The following AFF3 variants were observed in gnomAD, a reference collection of about 807,000 sequenced individuals.
The protein encoded by AFF3 is ALF transcription elongation factor 3.
Under a neutral mutation model 129.7 loss-of-function variants are expected in AFF3, and 32 were observed. That is an observed-to-expected ratio of 0.25 (90% CI 0.19 to 0.33). AFF3 has a LOEUF of 0.33. Among genes scored for constraint, AFF3 ranks in the 10% least tolerant of loss-of-function variants. The pLI is 1.00. For missense variants in AFF3, 1,373 were observed against 1,592.0 expected, an observed-to-expected ratio of 0.86 and a Z score of 2.34; for synonymous variants, 644 against 635.4, an observed-to-expected ratio of 1.01 and a Z score of -0.20.
chr2:100,012,738 A>AATTC (rs1420295263), intron 4 of AFF3, among the ~76,000 whole-genome samples: 1 of 152,198 alleles, frequency 6.6e-6, no homozygotes, highest in Non-Finnish European at 1.5e-5. Context: ...GACAAGCTGA[A>AATTC]AGTCAGGTCA....
In AFF3 at chr2:100,006,913, T is replaced by C. The variant is rs1682024729; in HGVS notation, c.592A>G (p.Arg198Gly). ...TGCTTGGCCGCCATGGCAGGTGGCCTCTCCTGGGTCTGAAGGCCCACCTCC... is the reference window on the plus strand; with the variant it reads ...TGCTTGGCCGCCATGGCAGGTGGCCCCTCCTGGGTCTGAAGGCCCACCTCC... ...NVEVGLQTQE[R>G]PPAMAAKHSS... The change falls in exon 7 of 25, where the codon AGG becomes GGG. Residue 198 changes from arginine (R) to glycine (G), a missense_variant. Coordinates refer to ENST00000672756, the MANE Select transcript of AFF3 (RefSeq NM_001386135.1). 1 of 1,613,956 alleles carries C rather than the reference T, an allele frequency of 6.2e-7. No individual in the cohort carries two copies. Among genetic ancestry groups the C allele is most frequent in the Admixed American group, 1.7e-5 (1 of 59,994 alleles).
intron 7 of AFF3, among the ~76,000 whole-genome samples, chr2:99,970,537 C>T (rs979534476): frequency 6.6e-6 from 1 of 152,146 alleles, no homozygotes; most frequent in African/African-American, 2.4e-5. Context: ...ATTTTTATTG[C>T]TTGCATAAAA....
At chr2:99,615,080 C>G (rs549620725) in intron 13 of AFF3, among the ~76,000 whole-genome samples, 1 of 152,204 alleles carries the variant, frequency 6.6e-6, no homozygotes, top group Non-Finnish European at 1.5e-5. Flanking sequence ...GCTGTCTTCT[C>G]TGGACCCAGG....
chr2:99,595,532 A>G (rs543608334), intron 14 of AFF3, among the ~76,000 whole-genome samples: 1 of 152,292 alleles, frequency 6.6e-6, no homozygotes, highest in African/African-American at 2.4e-5. Flanking sequence ...AAAATGGTTT[A>G]ACACAATAAA....
chr2:99,736,658 G>A (rs1680287389), intron 10 of AFF3, among the ~76,000 whole-genome samples: 1 of 134,190 alleles, frequency 7.5e-6, no homozygotes, highest in South Asian at 2.3e-4. Flanking sequence ...TGCCCAGGCT[G>A]GAGTGCAGTG....
intron 14 of AFF3, among the ~76,000 whole-genome samples, chr2:99,595,487 C>A (rs1267444352): frequency 6.6e-6 from 1 of 151,952 alleles, no homozygotes; most frequent in East Asian, 1.9e-4. Context: ...TTGATCAGTT[C>A]AAGTCTAGAG....
chr2:100,105,360 G>C, intron 3 of AFF3, 144 bp downstream of exon 3: 1 of 1,249,918 alleles, frequency 8.0e-7, no homozygotes, highest in Non-Finnish European at 1.0e-6. Context: ...GAGCCCGCAA[G>C]TTCAGCGAAA....
At chr2:99,700,183 C>T (rs1022493930) in intron 11 of AFF3, among the ~76,000 whole-genome samples, 2 of 151,354 alleles carry the variant, frequency 1.3e-5, no homozygotes, top group East Asian at 3.9e-4. Flanking sequence ...TGCAGTGGTG[C>T]GATCTCAGCT....
chr2:99,559,010 C>A (rs371261965), intron 21 of AFF3, 42 bp from the exon 22 acceptor site: 1 of 1,569,968 alleles, frequency 6.4e-7, no homozygotes, highest in Admixed American at 1.7e-5. Flanking sequence ...CGGCTGAGTG[C>A]GTCGTGCGCA....
intron 12 of AFF3, among the ~76,000 whole-genome samples, chr2:99,671,551 G>T: frequency 6.8e-6 from 1 of 147,044 alleles, no homozygotes; most frequent in East Asian, 2.0e-4. Context: ...ACCTCTGCTT[G>T]TTCTCTCTGT....
At chr2:99,781,446 T>C (rs186592541) in intron 8 of AFF3, among the ~76,000 whole-genome samples, 1 of 152,384 alleles carries the variant, frequency 6.6e-6, no homozygotes, top group Admixed American at 6.5e-5. Context: ...TGTTTGTTCA[T>C]TGCTATATCT....
chr2:99,904,238 A>G lies in AFF3; in HGVS notation c.874-66714T>C, dbSNP rs571605317. ...AATCTGTGTCTCCTCTGTGCCCAAT[A>G]CACAATGCAAAACAGGGTCCACGCC... On this transcript the variant is annotated intron_variant, in intron 7 of 24. Coordinates refer to ENST00000672756, the MANE Select transcript of AFF3 (RefSeq NM_001386135.1). Among the ~76,000 whole-genome samples, 3 of 152,212 alleles carry G rather than the reference A, an allele frequency of 2.0e-5. No homozygotes were observed. In the East Asian group the frequency reaches 5.8e-4, roughly 29 times the overall value.
chr2:99,558,391 C>T (rs148793293), intron 22 of AFF3, among the ~76,000 whole-genome samples: 56 of 152,132 alleles, frequency 3.7e-4, no homozygotes, highest in South Asian at 1.2e-3. Flanking sequence ...GAGGTGGAGG[C>T]GGGGAGATCA....
intron 8 of AFF3, among the ~76,000 whole-genome samples, chr2:99,834,385 A>G (rs1356189009): frequency 1.3e-5 from 2 of 152,214 alleles, no homozygotes; most frequent in African/African-American, 4.8e-5. Flanking sequence ...GTTAAATCAC[A>G]GCTTAGAACT....
chr2:99,703,392 T>C (rs1677058958), intron 11 of AFF3, among the ~76,000 whole-genome samples: 1 of 152,212 alleles, frequency 6.6e-6, no homozygotes, highest in Non-Finnish European at 1.5e-5. Flanking sequence ...ACAGTTTTTT[T>C]CTAGAAGTTC....
chr2:99,866,962 C>CGTA (rs1691447698), intron 7 of AFF3, among the ~76,000 whole-genome samples: 1 of 93,902 alleles, frequency 1.1e-5, no homozygotes, highest in African/African-American at 5.4e-5. Flanking sequence ...GGTAACACAG[C>CGTA]ATAATAATAA....
chr2:99,829,704 T>C (rs763454772), intron 8 of AFF3, among the ~76,000 whole-genome samples: 4 of 152,172 alleles, frequency 2.6e-5, no homozygotes, highest in Non-Finnish European at 4.4e-5. Context: ...ATTTCAACCA[T>C]TGTGGAAGAC....
chr2:99,934,033 C>T (rs1197364243), intron 7 of AFF3, among the ~76,000 whole-genome samples: 2 of 152,174 alleles, frequency 1.3e-5, no homozygotes, highest in African/African-American at 4.8e-5. Flanking sequence ...ATCTCTAGGG[C>T]AGCCAGTCAT....
At chr2:100,079,645 T>G (rs1222067095) in intron 4 of AFF3, among the ~76,000 whole-genome samples, 1 of 152,168 alleles carries the variant, frequency 6.6e-6, no homozygotes, top group Non-Finnish European at 1.5e-5. Flanking sequence ...TGTACTTTCT[T>G]GTGGCCCCCC....
Sources: allele counts gnomAD v4.1 joint callset (sites outside exome capture counted in the v4.1 genomes callset), GRCh38; gene constraint gnomAD v4.1.1; transcripts MANE v1.5; gene names NCBI Gene and HGNC (gene_info 2026-07-23, HGNC 2026-07-21).